ZDHHC11B: variants seen among roughly 807,000 people sequenced by gnomAD.
ZDHHC11B encodes the protein probable palmitoyltransferase ZDHHC11B.
ZDHHC11B carries 17 observed loss-of-function variants against 42.3 expected under a neutral mutation model. The observed-to-expected ratio is 0.40, with a 90% CI of 0.27 to 0.60. The LOEUF (loss-of-function observed/expected upper bound fraction) is 0.60. Among genes scored for constraint, ZDHHC11B ranks in the 20% least tolerant of loss-of-function variants. ZDHHC11B has a pLI of 0.41. For synonymous variants in ZDHHC11B, 123 were observed against 193.5 expected (o/e 0.64, Z 3.02); for missense variants, 262 against 463.2 (o/e 0.57, Z 3.99).
chr5:765,626 A>G (rs1232546057), intron 4 of ZDHHC11B, among the ~76,000 whole-genome samples: 2 of 151,822 alleles, frequency 1.3e-5, no homozygotes, highest in East Asian at 3.9e-4. Context: ...CACATTGTGG[A>G]AGTTTTGTTC....
chr5:762,628 T>A (rs1200790029), intron 4 of ZDHHC11B, among the ~76,000 whole-genome samples: 2 of 151,752 alleles, frequency 1.3e-5, no homozygotes, highest in Non-Finnish European at 2.9e-5. Flanking sequence ...TTACTGGCAG[T>A]GTGTATCTGT....
rs935027931 is a variant in ZDHHC11B at position 711,927 on chromosome 5, C to G, written c.*363G>C. ...GTGTGAGCCAACATGCCCGGCCCATCAGCTCTTAAGCAGCAAGAGGCCCTG... is the reference window on the plus strand; with the variant it reads ...GTGTGAGCCAACATGCCCGGCCCATGAGCTCTTAAGCAGCAAGAGGCCCTG... On this transcript the variant is annotated 3_prime_UTR_variant, in exon 14 of 14. Coordinates refer to ENST00000508859, the MANE Select transcript of ZDHHC11B (RefSeq NM_001351303.2). 1 of 113,848 alleles carries G rather than the reference C, an allele frequency of 8.8e-6. No homozygotes were observed. The highest frequency in any genetic ancestry group is 3.7e-5 in the African/African-American group (1 of 26,836). The allele number at this position is 113,848 out of a possible 1,614,324, so 7.1% of individuals were successfully genotyped here.
At chr5:757,016 C>A (rs1231176652) in intron 4 of ZDHHC11B, among the ~76,000 whole-genome samples, 8 of 151,894 alleles carry the variant, frequency 5.3e-5, no homozygotes, top group South Asian at 2.1e-4. Context: ...CCCCTGGAGC[C>A]AGGAGAAGCT....
rs452680 is a variant in ZDHHC11B, at chr5:744,805, C to T, written c.900+378G>A. On this transcript the variant is annotated intron_variant, in intron 9 of 13. Transcript: ENST00000508859. ...CAAACTGTTTGAACCCAGGAGGTGG[C>T]GGCTACAATGAGCTGAGGTTTCACC... is the stretch of plus-strand genomic sequence containing the variant. 2.7e-5 allele frequency among the ~76,000 whole-genome samples: 4 copies of T among 148,480 alleles called. 1 individual carries two copies. Among genetic ancestry groups the T allele is most frequent in the Admixed American group, 1.4e-4 (2 of 14,574 alleles).
At chr5:773,619 C>T (rs1736231946) in intron 1 of ZDHHC11B, among the ~76,000 whole-genome samples, 1 of 152,006 alleles carries the variant, frequency 6.6e-6, no homozygotes, top group Non-Finnish European at 1.5e-5. Flanking sequence ...CACCCTCTCC[C>T]ACTGGCCAGC....
intron 6 of ZDHHC11B, among the ~76,000 whole-genome samples, chr5:754,266 T>C (rs71591199): frequency 0.31 from 7,477 of 24,390 alleles, 1,321 homozygotes; most frequent in Middle Eastern, 0.44. Flanking sequence ...ACACCTCTCG[T>C]CTATGAGCCT....
chr5:757,433 C>A (rs1169310059), intron 4 of ZDHHC11B, among the ~76,000 whole-genome samples: 2 of 151,940 alleles, frequency 1.3e-5, no homozygotes, highest in East Asian at 3.9e-4. Flanking sequence ...CAGAGCCCCT[C>A]TCTGGAGCCC....
At chr5:712,786 G>A (rs56658254) in intron 13 of ZDHHC11B, among the ~76,000 whole-genome samples, 77,565 of 149,756 alleles carry the variant, frequency 0.52, 17,935 homozygotes, top group African/African-American at 0.58. Flanking sequence ...GCGGGCAACT[G>A]TAGGCCCAGC....
At chr5:726,197 A>G in intron 12 of ZDHHC11B, among the ~76,000 whole-genome samples, 1 of 151,648 alleles carries the variant, frequency 6.6e-6, no homozygotes, top group Middle Eastern at 3.2e-3. Flanking sequence ...CACACCTCAC[A>G]GGCTCTTAGT....
In ZDHHC11B at chr5:710,617, C is replaced by T. The variant is rs1222787973; in HGVS notation, c.*1673G>A. The T allele has an allele frequency of 1.7e-4, 7 of 41,066 alleles. No homozygotes were observed. The highest frequency in any genetic ancestry group is 1.4e-3 in the Admixed American group (6 of 4,296). 2.5% of individuals were successfully genotyped at this position (41,066 alleles called of 1,614,324 possible). A position where few individuals can be genotyped will look rare whatever the true frequency, so the allele number is the denominator to read the frequency against. ...TACTGTGTGCTCCCATTTCTCAGTA[C>T]TGGGCTCCCATTTCCCAGTACTGTG... is the stretch of plus-strand genomic sequence containing the variant. On this transcript the variant is annotated 3_prime_UTR_variant, in exon 14 of 14. Transcript: ENST00000508859.
At chr5:732,653 G>A (rs1319252814) in intron 11 of ZDHHC11B, 5 of 451,586 alleles carry the variant, frequency 1.1e-5, no homozygotes, top group African/African-American at 4.0e-5. Context: ...GGGGAAGTGC[G>A]GTGAGGCGGC....
rs1561104504 is a variant in ZDHHC11B, at chr5:710,770, A to AGCTCCCATTTCCCAGTACTGT, written c.*1499_*1519dup. On this transcript the variant is annotated 3_prime_UTR_variant, in exon 14 of 14. Coordinates refer to ENST00000508859, the MANE Select transcript of ZDHHC11B (RefSeq NM_001351303.2). Reference sequence around the variant, plus strand: ...CTATGCTCCATTTCCCAGTGCTGTGAGCTCCCATTTCCCAGTACTGTGCTC... The same window carrying AGCTCCCATTTCCCAGTACTGT: ...CTATGCTCCATTTCCCAGTGCTGTGAGCTCCCATTTCCCAGTACTGTGCTCCCATTTCCCAGTACTGTGCTC... 9.4e-5 allele frequency: 12 copies of AGCTCCCATTTCCCAGTACTGT among 127,786 alleles called. 1 individual carries two copies. The East Asian group carries it at 2.4e-3, about 26-fold the overall frequency. The allele number at this position is 127,786 out of a possible 1,614,324, so 7.9% of individuals were successfully genotyped here.
At chr5:770,886 G>T (rs1245576469) in intron 1 of ZDHHC11B, among the ~76,000 whole-genome samples, 3 of 151,928 alleles carry the variant, frequency 2.0e-5, no homozygotes, top group Non-Finnish European at 4.4e-5. Flanking sequence ...AGATTGAGGG[G>T]TGCCACCCAG....
intron 12 of ZDHHC11B, among the ~76,000 whole-genome samples, chr5:728,573 G>A (rs1726934445): frequency 6.6e-6 from 1 of 152,004 alleles, no homozygotes; most frequent in Non-Finnish European, 1.5e-5. Flanking sequence ...CGTCATGAGT[G>A]TAATCTATGC....
intron 1 of ZDHHC11B, among the ~76,000 whole-genome samples, chr5:777,969 A>G (rs1736679365): frequency 6.6e-6 from 1 of 151,846 alleles, no homozygotes; most frequent in Non-Finnish European, 1.5e-5. Context: ...CCTGCCCAGC[A>G]GGGAGGCGGC....
At chr5:776,559 A>T (rs1197953739) in intron 1 of ZDHHC11B, among the ~76,000 whole-genome samples, 1 of 151,692 alleles carries the variant, frequency 6.6e-6, no homozygotes, top group African/African-American at 2.4e-5. Flanking sequence ...CCCACTGGGC[A>T]TTCAGCCTGG....
chr5:759,057 C>T (rs879297026), intron 4 of ZDHHC11B, among the ~76,000 whole-genome samples: 5 of 151,856 alleles, frequency 3.3e-5, no homozygotes, highest in Admixed American at 1.3e-4. Context: ...AATTTTATGC[C>T]GGTAGTGTTT....
chr5:743,894 G>A (rs1258765815), intron 9 of ZDHHC11B, among the ~76,000 whole-genome samples: 7 of 149,848 alleles, frequency 4.7e-5, no homozygotes, highest in African/African-American at 1.2e-4. Flanking sequence ...TGACTGCAAT[G>A]TCAGAAGTAG....
At chr5:761,462 C>T in intron 4 of ZDHHC11B, among the ~76,000 whole-genome samples, 1 of 151,654 alleles carries the variant, frequency 6.6e-6, no homozygotes, top group East Asian at 1.9e-4. Context: ...GGCTGGGCCA[C>T]AGCAGAAGCT....
Sources: allele counts gnomAD v4.1 joint callset (sites outside exome capture counted in the v4.1 genomes callset), GRCh38; gene constraint gnomAD v4.1.1; transcripts MANE v1.5; gene names NCBI Gene and HGNC (gene_info 2026-07-23, HGNC 2026-07-21).